SHOC2: variants seen among roughly 807,000 people sequenced by gnomAD.
The protein encoded by SHOC2 is leucine-rich repeat protein SHOC-2.
In SHOC2, 4 loss-of-function variants were observed where a neutral mutation model predicts 50.2. That is an observed-to-expected ratio of 0.08 (90% CI 0.04 to 0.18). The LOEUF (loss-of-function observed/expected upper bound fraction) is 0.18. Ranked by LOEUF, SHOC2 falls within the 10% of genes least tolerant of loss-of-function variation. The pLI is 1.00. For synonymous variants in SHOC2, 218 were observed against 244.5 expected (o/e 0.89, Z 1.01); for missense variants, 388 against 669.6 (o/e 0.58, Z 4.64).
At position 111,004,727 on chromosome 10, in the gene SHOC2, A is replaced by G. The variant is rs1564729473; in HGVS notation, c.1094A>G (p.Asn365Ser). The change falls in exon 5 of 9, where the codon AAT becomes AGT. Residue 365 changes from asparagine to serine, a missense_variant. Asn to Ser is a conservative substitution (Grantham distance 46). This residue lies in a region of SHOC2 where 48 missense variants were observed against 151.6 expected (regional missense o/e 0.32). Coordinates refer to ENST00000369452, the MANE Select transcript of SHOC2 (RefSeq NM_007373.4). ...ATCTATTCCCTCAACATGGAACACA[A>G]TCGAATCAACAAAATTCCATTTGGA... ...STIYSLNMEH[N>S]RINKIPFGIF... 1.2e-6 allele frequency: 2 copies of G among 1,613,708 alleles called. No individual in the cohort carries two copies. The highest frequency in any genetic ancestry group is 1.7e-6 in the Non-Finnish European group (2 of 1,179,744).
intron 1 of SHOC2, among the ~76,000 whole-genome samples, chr10:110,958,760 A>G (rs1003434002): frequency 1.3e-5 from 2 of 151,782 alleles, no homozygotes; most frequent in African/African-American, 4.8e-5. Flanking sequence ...TTGAATAATC[A>G]TGCTGCCTCC....
chr10:110,965,577 T>C (rs925094965), intron 2 of SHOC2, among the ~76,000 whole-genome samples: 6 of 152,150 alleles, frequency 3.9e-5, no homozygotes, highest in African/African-American at 1.4e-4. Context: ...TTTTTGCATC[T>C]TGAAAGTACT....
At chr10:110,925,066 G>T (rs1430193921) in intron 1 of SHOC2, among the ~76,000 whole-genome samples, 2 of 71,256 alleles carry the variant, frequency 2.8e-5, no homozygotes, top group African/African-American at 1.0e-4. Context: ...GTGAGACTCT[G>T]TCTCAAAAAA....
At chr10:111,004,282 C>T (rs1848430848) in intron 4 of SHOC2, among the ~76,000 whole-genome samples, 1 of 152,202 alleles carries the variant, frequency 6.6e-6, no homozygotes, top group Non-Finnish European at 1.5e-5. Context: ...ACCCATGAGG[C>T]ACCTCTCACA....
Position 111,013,641 on chromosome 10 carries a change from A to T in SHOC2, c.*1823A>T, listed in dbSNP as rs971775017. 6.6e-6 allele frequency: 1 copy of T among 151,172 alleles called. No individual in the cohort carries two copies. Among genetic ancestry groups the T allele is most frequent in the African/African-American group, 2.4e-5 (1 of 41,142 alleles). The allele number at this position is 151,172 out of a possible 1,614,324, so 9.4% of individuals were successfully genotyped here. A position where few individuals can be genotyped will look rare whatever the true frequency, so the allele number is the denominator to read the frequency against. On this transcript the variant is annotated 3_prime_UTR_variant, in exon 9 of 9. Coordinates refer to ENST00000369452, the MANE Select transcript of SHOC2 (RefSeq NM_007373.4). The stretch of plus-strand genomic sequence containing the variant: ...CAGTTAAAATTTTGTTTATAAAAGG[A>T]ATTTGTTTATTACAGCTCTACCTAG...
intron 1 of SHOC2, among the ~76,000 whole-genome samples, chr10:110,930,387 G>C (rs959469449): frequency 2.6e-5 from 4 of 152,058 alleles, no homozygotes; most frequent in African/African-American, 4.8e-5. Context: ...TAAATAGAGT[G>C]AGTAATGGAA....
At chr10:110,920,818 G>A (rs1474744612) in intron 1 of SHOC2, among the ~76,000 whole-genome samples, 1 of 152,196 alleles carries the variant, frequency 6.6e-6, no homozygotes, top group Non-Finnish European at 1.5e-5. Context: ...GATGTGGACT[G>A]TATAGTATTT....
At chr10:110,968,889 C>T (rs1419542880) in intron 2 of SHOC2, among the ~76,000 whole-genome samples, 3 of 152,030 alleles carry the variant, frequency 2.0e-5, no homozygotes, top group Admixed American at 6.6e-5. Context: ...AATTTAACCA[C>T]GACACAAGGT....
rs1847630081 is a variant in SHOC2 at position 110,964,338 on chromosome 10, T to C, written c.-21T>C. 1.2e-6 allele frequency: 2 copies of C among 1,611,182 alleles called. No homozygotes were observed. The highest frequency in any genetic ancestry group is 4.5e-5 in the East Asian group (2 of 44,850). On this transcript the variant is annotated 5_prime_UTR_variant, in exon 2 of 9. Coordinates refer to ENST00000369452, the MANE Select transcript of SHOC2 (RefSeq NM_007373.4). This position sits in a 1 kb window ranked among gnomAD's most constrained non-coding sequence, Gnocchi z 4.9. ...GAAAATAAAAGGAGTTCATGTAGTT[T>C]TTGTCCAGGCTTGAGTCACCATGAG...
At chr10:111,005,921 T>C (rs900650665) in intron 5 of SHOC2, among the ~76,000 whole-genome samples, 1 of 152,172 alleles carries the variant, frequency 6.6e-6, no homozygotes, top group Non-Finnish European at 1.5e-5. Context: ...ATAAATATGG[T>C]GTGTATCTTT....
At chr10:110,925,089 AAAATT>A (rs71035313) in intron 1 of SHOC2, among the ~76,000 whole-genome samples, 11,092 of 145,920 alleles carry the variant, frequency 0.076, 481 homozygotes, top group Middle Eastern at 0.13. Flanking sequence ...AAAAAAAAAA[AAAATT>A]AAAATAAAAA....
At chr10:110,972,194 G>T (rs1165397121) in intron 2 of SHOC2, among the ~76,000 whole-genome samples, 1 of 150,988 alleles carries the variant, frequency 6.6e-6, no homozygotes, top group African/African-American at 2.4e-5. Context: ...CAAGATTTTA[G>T]TATTATATAC....
At chr10:110,982,632 T>C (rs965788606) in intron 2 of SHOC2, among the ~76,000 whole-genome samples, 5 of 151,646 alleles carry the variant, frequency 3.3e-5, no homozygotes, top group Non-Finnish European at 7.4e-5. Context: ...TTTCATGTGT[T>C]TTTTGGCTGC....
chr10:111,007,178 A>G (rs955667995), intron 5 of SHOC2, among the ~76,000 whole-genome samples: 1 of 152,088 alleles, frequency 6.6e-6, no homozygotes, highest in Non-Finnish European at 1.5e-5. Context: ...TTATTTGAGC[A>G]TTTATATTTT....
chr10:110,977,040 GT>G (rs1847890885), intron 2 of SHOC2, among the ~76,000 whole-genome samples: 1 of 152,070 alleles, frequency 6.6e-6, no homozygotes, highest in African/African-American at 2.4e-5. Context: ...ATACAATGAA[GT>G]TTTCATACCA....
rs1442080543 is a variant in SHOC2, at chr10:110,985,812, G to A, written c.841+47G>A. On this transcript the variant is annotated intron_variant, in intron 3 of 8. Transcript: ENST00000369452. ...ATTGATAGCTGTTAATAGCTAACTG[G>A]ATATTAATAGGACTATTTTTGATCC... 8.1e-6 allele frequency: 12 copies of A among 1,485,136 alleles called. 1 individual carries two copies. In the Admixed American group the frequency reaches 2.0e-4, roughly 25 times the overall value. 92.0% of individuals were successfully genotyped at this position (1,485,136 alleles called of 1,614,324 possible).
In SHOC2 at chr10:110,963,564, T is replaced by C. The variant is rs137859109; in HGVS notation, c.-234-561T>C. Among the ~76,000 whole-genome samples the C allele has an allele frequency of 4.7e-3, 711 of 152,314 alleles. 8 individuals carry two copies. Among genetic ancestry groups the C allele is most frequent in the African/African-American group, 0.016 (681 of 41,568 alleles). On this transcript the variant is annotated intron_variant, in intron 1 of 8. Coordinates refer to ENST00000369452, the MANE Select transcript of SHOC2 (RefSeq NM_007373.4). Reference sequence around the variant, plus strand: ...GTCACCACCACTGAAATCCTTTCTGTTATCTAAAGCTATCCGCCAATTAAT... The same window carrying C: ...GTCACCACCACTGAAATCCTTTCTGCTATCTAAAGCTATCCGCCAATTAAT...
Position 111,001,060 on chromosome 10 carries a change from C to CTT in SHOC2, c.972+527_972+528dup, listed in dbSNP as rs11379744. On this transcript the variant is annotated intron_variant, in intron 4 of 8. Coordinates refer to ENST00000369452, the MANE Select transcript of SHOC2 (RefSeq NM_007373.4). The stretch of plus-strand genomic sequence containing the variant: ...TTTAGTATAGAACAATCGCCAGAAT[C>CTT]TTTTTTTTTTTTTAACACATTTTTA... Among the ~76,000 whole-genome samples the CTT allele has an allele frequency of 3.5e-3, 508 of 145,176 alleles. 5 individuals are homozygous for CTT. Among genetic ancestry groups the CTT allele is most frequent in the South Asian group, 1.0e-2 (46 of 4,602 alleles).
intron 1 of SHOC2, among the ~76,000 whole-genome samples, chr10:110,920,490 T>G (rs1462466731): frequency 2.0e-5 from 3 of 152,232 alleles, no homozygotes; most frequent in Non-Finnish European, 2.9e-5. Context: ...GAGTAATGAC[T>G]CCAAAGCATT....
Sources: allele counts gnomAD v4.1 joint callset (sites outside exome capture counted in the v4.1 genomes callset), GRCh38; gene constraint gnomAD v4.1.1; regional missense constraint gnomAD v4.1.1; non-coding constraint Gnocchi (gnomAD v3.1); transcripts MANE v1.5; gene names NCBI Gene and HGNC (gene_info 2026-07-23, HGNC 2026-07-21).